Variants in PCDH15 observed in about 807,000 individuals in gnomAD.
The protein encoded by PCDH15 is protocadherin related 15.
PCDH15 carries 129 observed loss-of-function variants against 178.5 expected under a neutral mutation model. That is an observed-to-expected ratio of 0.72 (90% CI 0.63 to 0.84). The LOEUF (loss-of-function observed/expected upper bound fraction) is 0.84, where lower values mean the gene tolerates loss of function less well. PCDH15 is among the 40% of genes least tolerant of loss of function. The pLI, the probability that PCDH15 is intolerant of heterozygous loss-of-function variation, is 0.00. For synonymous variants in PCDH15, 800 were observed against 732.0 expected, an observed-to-expected ratio of 1.09 and a Z score of -1.50; for missense variants, 2,230 against 2,099.9, an observed-to-expected ratio of 1.06 and a Z score of -1.21.
chr10:54,743,229 A>G (rs988180771), intron 1 of PCDH15, among the ~76,000 whole-genome samples: 3 of 152,108 alleles, frequency 2.0e-5, no homozygotes, highest in African/African-American at 7.2e-5. Context: ...ATATATAATA[A>G]AGCAAGATTG....
At chr10:55,175,982 G>A (rs917207961) in intron 1 of PCDH15, among the ~76,000 whole-genome samples, 8 of 152,120 alleles carry the variant, frequency 5.3e-5, no homozygotes, top group East Asian at 2.0e-4. Flanking sequence ...GGACTGTCCC[G>A]GGAGATGCAG....
At chr10:53,979,997 T>C (rs569332908) in intron 21 of PCDH15, among the ~76,000 whole-genome samples, 1 of 152,156 alleles carries the variant, frequency 6.6e-6, no homozygotes, top group South Asian at 2.1e-4. Context: ...GGTGTGTGGA[T>C]CACCTGAGGT....
intron 13 of PCDH15, among the ~76,000 whole-genome samples, chr10:54,162,975 A>C (rs574064468): frequency 6.6e-6 from 1 of 152,258 alleles, no homozygotes; most frequent in Non-Finnish European, 1.5e-5. Flanking sequence ...ATGAAATATA[A>C]ACAAACGTTT....
intron 1 of PCDH15, among the ~76,000 whole-genome samples, chr10:55,203,983 G>A (rs1840324527): frequency 6.6e-6 from 1 of 151,872 alleles, no homozygotes; most frequent in Non-Finnish European, 1.5e-5. Flanking sequence ...GGCTGAGGCA[G>A]GTGGATTGCA....
intron 3 of PCDH15, among the ~76,000 whole-genome samples, chr10:54,481,471 A>G (rs915265402): frequency 6.6e-6 from 1 of 151,796 alleles, no homozygotes; most frequent in East Asian, 1.9e-4. Context: ...TGTTTAAAAT[A>G]TGTTGATAAA....
In PCDH15 at chr10:55,057,751, A is replaced by G. The variant is rs1841338975; in HGVS notation, c.-80+108825T>C. Among the ~76,000 whole-genome samples, 6 of 152,260 alleles carry G rather than the reference A, an allele frequency of 3.9e-5. No homozygotes were observed. In the South Asian group the frequency reaches 1.0e-3, roughly 26 times the overall value. On this transcript the variant is annotated intron_variant, in intron 2 of 5. Coordinates refer to the PCDH15 transcript ENST00000458638. ...CTTTACTTTATATTTCTCCTTTTCA[A>G]TCCTCCTACTGGAGAAATTCAAGCC...
At chr10:55,226,346 GTTTT>G (rs1003446434) in intron 1 of PCDH15, among the ~76,000 whole-genome samples, 2 of 151,616 alleles carry the variant, frequency 1.3e-5, no homozygotes, top group Non-Finnish European at 1.5e-5. Context: ...AAACAGAATA[GTTTT>G]TTTGTTTTGT....
rs1565159059 is a variant in PCDH15 at position 54,062,250 on chromosome 10, A to AAAAAAAAAAAAAAAAAAAAAAAAAAAT, written c.2220+4506_2220+4507insATTTTTTTTTTTTTTTTTTTTTTTTTT. ...CTCAAAAAAAAAAAAAAAAAAAAAA[A>AAAAAAAAAAAAAAAAAAAAAAAAAAAT]AACAAAAAACAACTAAATGAAAACT... On this transcript the variant is annotated intron_variant, in intron 18 of 37. Transcript: ENST00000644397. Among the ~76,000 whole-genome samples, 2 of 109,984 alleles carry AAAAAAAAAAAAAAAAAAAAAAAAAAAT rather than the reference A, an allele frequency of 1.8e-5. 1 individual carries two copies. The allele number at this position is 109,984 out of a possible 152,430, so 72.2% of individuals were successfully genotyped here.
At chr10:54,418,009 C>T (rs1198159219) in intron 3 of PCDH15, among the ~76,000 whole-genome samples, 1 of 152,042 alleles carries the variant, frequency 6.6e-6, no homozygotes, top group Non-Finnish European at 1.5e-5. Flanking sequence ...AACTACTGGC[C>T]CGAAAAGATC....
At chr10:53,957,420 C>T (rs529008662) in intron 23 of PCDH15, among the ~76,000 whole-genome samples, 1 of 151,960 alleles carries the variant, frequency 6.6e-6, no homozygotes, top group Non-Finnish European at 1.5e-5. Flanking sequence ...CATAGGAGTC[C>T]CCCTTTATTT....
intron 7 of PCDH15, among the ~76,000 whole-genome samples, chr10:54,319,977 C>A (rs978139006): frequency 1.3e-5 from 2 of 151,892 alleles, no homozygotes; most frequent in African/African-American, 4.8e-5. Context: ...TTCCAGGATT[C>A]TTTGATATTT....
chr10:54,168,690 C>A (rs2133575070), intron 13 of PCDH15, among the ~76,000 whole-genome samples: 1 of 152,198 alleles, frequency 6.6e-6, no homozygotes, highest in Middle Eastern at 3.4e-3. Flanking sequence ...TATAAAAATC[C>A]AGCCCAGTTC....
At chr10:55,607,129 C>CA (rs959721136) in intron 2 of PCDH15, among the ~76,000 whole-genome samples, 60 of 151,928 alleles carry the variant, frequency 3.9e-4, no homozygotes, top group African/African-American at 1.4e-3. Context: ...TTTATGCAGC[C>CA]AAAAAACACA....
chr10:55,517,191 A>T (rs541387940), intron 2 of PCDH15, among the ~76,000 whole-genome samples: 2 of 152,234 alleles, frequency 1.3e-5, no homozygotes, highest in South Asian at 4.1e-4. Context: ...TTTAATAGTA[A>T]AATGTTAGCA....
chr10:54,065,997 G>A (rs149327838), intron 18 of PCDH15, among the ~76,000 whole-genome samples: 8 of 152,266 alleles, frequency 5.3e-5, no homozygotes, highest in Non-Finnish European at 1.2e-4. Context: ...GTAGGACCCT[G>A]AACTCTGGGT....
chr10:54,247,188 A>G (rs1353482151), intron 8 of PCDH15, among the ~76,000 whole-genome samples: 1 of 151,828 alleles, frequency 6.6e-6, no homozygotes, highest in Non-Finnish European at 1.5e-5. Context: ...TATTTCCTCT[A>G]CCTGTACACA....
intron 2 of PCDH15, among the ~76,000 whole-genome samples, chr10:55,088,562 C>T (rs1382754237): frequency 6.6e-6 from 1 of 152,022 alleles, no homozygotes; most frequent in Non-Finnish European, 1.5e-5. Context: ...GCATGAGCCA[C>T]CCCTCCCAGA....
chr10:54,452,690 T>C (rs1013513710), intron 3 of PCDH15, among the ~76,000 whole-genome samples: 2 of 152,102 alleles, frequency 1.3e-5, no homozygotes, highest in Non-Finnish European at 2.9e-5. Flanking sequence ...TGGATAGGTC[T>C]TTCTGGAGTC....
intron 25 of PCDH15, among the ~76,000 whole-genome samples, chr10:53,936,873 A>G (rs1282567094): frequency 6.6e-6 from 1 of 152,132 alleles, no homozygotes; most frequent in African/African-American, 2.4e-5. Context: ...ACCTCAATTT[A>G]CATAATGGTT....
Sources: allele counts gnomAD v4.1 joint callset (sites outside exome capture counted in the v4.1 genomes callset), GRCh38; gene constraint gnomAD v4.1.1; transcripts MANE v1.5; gene names NCBI Gene and HGNC (gene_info 2026-07-23, HGNC 2026-07-21).